C8orf34: variants seen among roughly 807,000 people sequenced by gnomAD.
The protein encoded by C8orf34 is uncharacterized protein C8orf34.
A neutral mutation model predicts 68.3 loss-of-function variants in C8orf34; 65 were observed. The observed-to-expected ratio is 0.95, with a 90% CI of 0.78 to 1.17. The LOEUF is 1.17. C8orf34 is among the 50% of genes most tolerant of loss of function. C8orf34 has a pLI of 0.00. For missense variants in C8orf34, 664 were observed against 655.4 expected (o/e 1.01, Z -0.14); for synonymous variants, 244 against 241.2 (o/e 1.01, Z -0.11).
chr8:68,533,773 T>C (rs1307088838), intron 7 of C8orf34: 42 of 969,782 alleles, frequency 4.3e-5, no homozygotes, highest in Non-Finnish European at 5.1e-5. Flanking sequence ...TCTCTTCATA[T>C]AAATTTTTAA....
intron 13 of C8orf34, among the ~76,000 whole-genome samples, chr8:68,816,825 A>T (rs978347036): frequency 1.4e-4 from 21 of 152,206 alleles, no homozygotes; most frequent in African/African-American, 4.8e-4. Flanking sequence ...CACGGAAAGC[A>T]TGTAAAAAAT....
chr8:68,733,714 T>G (rs991906896), intron 10 of C8orf34, among the ~76,000 whole-genome samples: 2 of 152,208 alleles, frequency 1.3e-5, no homozygotes, highest in African/African-American at 2.4e-5. Context: ...CTAGTGATTT[T>G]TATAGAGTTT....
At chr8:68,433,135 GGT>G (rs1810516676) in intron 1 of C8orf34, among the ~76,000 whole-genome samples, 1 of 152,126 alleles carries the variant, frequency 6.6e-6, no homozygotes, top group Admixed American at 6.5e-5. Context: ...GTTGGGTAGT[GGT>G]GGTGGGGGTG....
chr8:68,560,489 G>T (rs1037540686), intron 7 of C8orf34, among the ~76,000 whole-genome samples: 5 of 152,144 alleles, frequency 3.3e-5, no homozygotes, highest in African/African-American at 7.2e-5. Context: ...CACTTTCTAA[G>T]AAATGCATCC....
chr8:68,384,737 T>C (rs1435820818), intron 1 of C8orf34, among the ~76,000 whole-genome samples: 15 of 152,190 alleles, frequency 9.9e-5, no homozygotes, highest in Admixed American at 9.8e-4. Flanking sequence ...GGCTTAACTG[T>C]TATCTCCACT....
At chr8:68,533,396 C>T in intron 7 of C8orf34, 1 of 1,185,528 alleles carries the variant, frequency 8.4e-7, no homozygotes, top group East Asian at 4.2e-5. Flanking sequence ...TACCTTCTGA[C>T]TACGTAATGA....
At chr8:68,486,365 C>A (rs1813079067) in intron 4 of C8orf34, among the ~76,000 whole-genome samples, 2 of 152,144 alleles carry the variant, frequency 1.3e-5, no homozygotes, top group Admixed American at 1.3e-4. Flanking sequence ...AAGGCACTAC[C>A]TTCATAATAC....
At chr8:68,530,609 T>C in intron 6 of C8orf34, 1 of 1,262,704 alleles carries the variant, frequency 7.9e-7, no homozygotes. Context: ...AGACACGTAA[T>C]GCAATGATGC....
At chr8:68,448,014 A>G (rs1445579572) in intron 3 of C8orf34, 2 of 152,126 alleles carry the variant, frequency 1.3e-5, no homozygotes, top group Non-Finnish European at 2.9e-5. Flanking sequence ...AAAAATGAAT[A>G]AAGTCTCAGT....
intron 12 of C8orf34, among the ~76,000 whole-genome samples, chr8:68,812,634 TA>T (rs1372870748): frequency 6.6e-6 from 1 of 152,204 alleles, no homozygotes; most frequent in Non-Finnish European, 1.5e-5. Context: ...AGTTTAATCT[TA>T]AAATCCCTAT....
intron 3 of C8orf34, among the ~76,000 whole-genome samples, chr8:68,451,625 C>A (rs987414483): frequency 8.6e-5 from 13 of 151,992 alleles, no homozygotes; most frequent in Admixed American, 6.6e-5. Context: ...GTAGAGAGAA[C>A]ACACACATTT....
chr8:68,751,307 T>C (rs1052138421), intron 10 of C8orf34, among the ~76,000 whole-genome samples: 11 of 152,182 alleles, frequency 7.2e-5, no homozygotes, highest in Admixed American at 7.2e-4. Flanking sequence ...GCAGAGCTTG[T>C]AATTTCAATT....
chr8:68,460,294 G>A (rs1272486590), intron 3 of C8orf34, among the ~76,000 whole-genome samples: 1 of 152,224 alleles, frequency 6.6e-6, no homozygotes, highest in Non-Finnish European at 1.5e-5. Flanking sequence ...CAGGAAGCTC[G>A]AACTGCTTGG....
At chr8:68,781,492 T>C (rs190957784) in intron 11 of C8orf34, among the ~76,000 whole-genome samples, 1 of 152,290 alleles carries the variant, frequency 6.6e-6, no homozygotes, top group East Asian at 1.9e-4. Context: ...TATGAAAAAG[T>C]TTGTACTACA....
chr8:68,464,029 A>G (rs983681220), intron 3 of C8orf34, among the ~76,000 whole-genome samples: 1 of 152,188 alleles, frequency 6.6e-6, no homozygotes, highest in Non-Finnish European at 1.5e-5. Flanking sequence ...ACATGATTGT[A>G]TATCTAGAAA....
At chr8:68,486,364 C>T (rs1301213389) in intron 4 of C8orf34, among the ~76,000 whole-genome samples, 1 of 152,146 alleles carries the variant, frequency 6.6e-6, no homozygotes, top group Non-Finnish European at 1.5e-5. Flanking sequence ...GAAGGCACTA[C>T]CTTCATAATA....
chr8:68,492,047 T>C (rs1333207721), intron 5 of C8orf34, among the ~76,000 whole-genome samples: 1 of 152,202 alleles, frequency 6.6e-6, no homozygotes, highest in Admixed American at 6.5e-5. Flanking sequence ...CATTCTTTTA[T>C]AGGTTTCACT....
At chr8:68,602,059 G>A in intron 7 of C8orf34, among the ~76,000 whole-genome samples, 1 of 152,226 alleles carries the variant, frequency 6.6e-6, no homozygotes, top group South Asian at 2.1e-4. Context: ...GCCTCGTGGG[G>A]CCTACTGACA....
Position 68,455,296 on chromosome 8 carries a change from G to T in C8orf34, c.607+8836G>T, listed in dbSNP as rs542431485. 1.4e-4 allele frequency among the ~76,000 whole-genome samples: 22 copies of T among 152,092 alleles called. No homozygotes were observed. The South Asian group carries it at 4.4e-3, about 30-fold the overall frequency. ...TGTTCAAGTCCTTCATGTCTTTATT[G>T]GTCTTCCTTCTATTTGCTCCGTTAT... On this transcript the variant is annotated intron_variant, in intron 3 of 13. Transcript: ENST00000518698.
Sources: gnomAD v4.1 joint callset for allele counts (sites outside exome capture counted in the v4.1 genomes callset) on GRCh38, gnomAD v4.1.1 for gene constraint, MANE v1.5 for transcripts, NCBI Gene and HGNC (gene_info 2026-07-23, HGNC 2026-07-21) for gene names.